RIMS2: variants seen among roughly 807,000 people sequenced by gnomAD.
RIMS2 encodes regulating synaptic membrane exocytosis 2, also known as regulating synaptic membrane exocytosis protein 2.
In RIMS2, 59 loss-of-function variants were observed where a neutral mutation model predicts 174.4. The observed-to-expected ratio is 0.34, with a 90% confidence interval of 0.27 to 0.42. The LOEUF is 0.42. Among genes scored for constraint, RIMS2 ranks in the 10% least tolerant of loss-of-function variants. The probability of loss-of-function intolerance (pLI) is 1.00; values close to 1 mark genes in which losing one functional copy is unlikely to be tolerated. For synonymous variants in RIMS2, 606 were observed against 572.5 expected (o/e 1.06, Z -0.84); for missense variants, 1,620 against 1,666.3 (o/e 0.97, Z 0.48).
At chr8:103,711,656 A>G (rs546953330) in intron 2 of RIMS2, among the ~76,000 whole-genome samples, 1 of 152,214 alleles carries the variant, frequency 6.6e-6, no homozygotes, top group Admixed American at 6.5e-5. Context: ...GCACTTTCGG[A>G]GGCCAAGGTG....
At chr8:104,003,427 T>C (rs1378104547) in intron 17 of RIMS2, among the ~76,000 whole-genome samples, 1 of 151,990 alleles carries the variant, frequency 6.6e-6, no homozygotes, top group Non-Finnish European at 1.5e-5. Flanking sequence ...CTTTTTTTTT[T>C]TTTTGCAATG....
At chr8:103,739,200 T>C (rs1457774294) in intron 2 of RIMS2, among the ~76,000 whole-genome samples, 1 of 152,040 alleles carries the variant, frequency 6.6e-6, no homozygotes, top group Non-Finnish European at 1.5e-5. Context: ...TATGCAGCCA[T>C]AAAAAAGGAT....
At chr8:104,077,839 C>T (rs2097328126) in intron 19 of RIMS2, among the ~76,000 whole-genome samples, 1 of 151,110 alleles carries the variant, frequency 6.6e-6, no homozygotes. Context: ...CATAAAAGAT[C>T]TACAGTTAAA....
chr8:103,890,548 C>T (rs545031479), intron 4 of RIMS2, among the ~76,000 whole-genome samples: 16 of 152,110 alleles, frequency 1.1e-4, no homozygotes, highest in African/African-American at 2.4e-4. Context: ...CTGATTTTTG[C>T]GCACTCTGTA....
intron 1 of RIMS2, among the ~76,000 whole-genome samples, chr8:103,523,767 AT>A (rs555185842): frequency 2.2e-3 from 334 of 150,744 alleles, no homozygotes; most frequent in Non-Finnish European, 4.1e-3. Context: ...AAGACTTGTG[AT>A]TTTTTTTTCA....
At chr8:103,823,826 A>T (rs911966971) in intron 3 of RIMS2, among the ~76,000 whole-genome samples, 3 of 152,044 alleles carry the variant, frequency 2.0e-5, no homozygotes, top group African/African-American at 7.2e-5. Flanking sequence ...ACTTGGTATG[A>T]TTCCAGCACA....
intron 19 of RIMS2, among the ~76,000 whole-genome samples, chr8:104,240,444 G>C (rs943738792): frequency 6.6e-6 from 1 of 152,128 alleles, no homozygotes; most frequent in African/African-American, 2.4e-5. Context: ...TAAAGATTTT[G>C]TGGTGCTGAA....
intron 3 of RIMS2, among the ~76,000 whole-genome samples, chr8:103,772,256 T>G (rs901157741): frequency 6.6e-6 from 1 of 151,938 alleles, no homozygotes; most frequent in African/African-American, 2.4e-5. Context: ...ATTATTTATA[T>G]AGAACATTAA....
intron 3 of RIMS2, among the ~76,000 whole-genome samples, chr8:103,834,694 T>TTC (rs1049024143): frequency 1.3e-5 from 1 of 79,082 alleles, no homozygotes; most frequent in Non-Finnish European, 2.4e-5. Context: ...CTTTCTTTCT[T>TTC]TCTTTCTTTC....
At chr8:104,200,953 C>T (rs1465418794) in intron 19 of RIMS2, among the ~76,000 whole-genome samples, 1 of 152,136 alleles carries the variant, frequency 6.6e-6, no homozygotes, top group Non-Finnish European at 1.5e-5. Flanking sequence ...TGTACTAAAA[C>T]AAAGGTTGTT....
At chr8:103,754,210 T>A (rs2097941986) in intron 2 of RIMS2, among the ~76,000 whole-genome samples, 1 of 152,200 alleles carries the variant, frequency 6.6e-6, no homozygotes, top group East Asian at 1.9e-4. Context: ...CAGGAGCAGG[T>A]TGTTCAGTTT....
chr8:103,821,478 T>C (rs758499776), intron 3 of RIMS2, among the ~76,000 whole-genome samples: 12 of 151,756 alleles, frequency 7.9e-5, no homozygotes, highest in Non-Finnish European at 1.6e-4. Context: ...AAAAATCATT[T>C]GCCCTTATAC....
intron 19 of RIMS2, among the ~76,000 whole-genome samples, chr8:104,068,031 A>G (rs1419382923): frequency 2.0e-5 from 3 of 152,238 alleles, no homozygotes; most frequent in Admixed American, 2.0e-4. Context: ...GGATTCACAC[A>G]TATACTGGGG....
chr8:103,751,201 G>T (rs570666222), intron 2 of RIMS2, among the ~76,000 whole-genome samples: 9 of 152,168 alleles, frequency 5.9e-5, no homozygotes, highest in Admixed American at 5.2e-4. Flanking sequence ...GCGGTGTTTG[G>T]TTTTTTGTCC....
chr8:103,689,778 CTG>C (rs1223617093), intron 1 of RIMS2, among the ~76,000 whole-genome samples: 1 of 152,086 alleles, frequency 6.6e-6, no homozygotes, highest in Non-Finnish European at 1.5e-5. Context: ...TATTATAACA[CTG>C]TGATTATGGT....
At chr8:103,535,315 A>G (rs1048589685) in intron 1 of RIMS2, among the ~76,000 whole-genome samples, 2 of 152,164 alleles carry the variant, frequency 1.3e-5, no homozygotes, top group African/African-American at 4.8e-5. Flanking sequence ...TTATTTCTAC[A>G]TAGTTTGGCA....
intron 1 of RIMS2, among the ~76,000 whole-genome samples, chr8:103,641,216 G>A (rs769134): frequency 6.6e-6 from 1 of 151,910 alleles, no homozygotes; most frequent in Non-Finnish European, 1.5e-5. Context: ...ACAATACATT[G>A]CTTGGTGTTA....
intron 19 of RIMS2, among the ~76,000 whole-genome samples, chr8:104,046,846 A>C (rs1391825917): frequency 1.3e-5 from 2 of 152,120 alleles, no homozygotes; most frequent in Non-Finnish European, 2.9e-5. Flanking sequence ...TGTCAATGCT[A>C]TGTTCAATAC....
chr8:104,133,548 A>C (rs2098491230), intron 19 of RIMS2, among the ~76,000 whole-genome samples: 1 of 152,194 alleles, frequency 6.6e-6, no homozygotes, highest in Non-Finnish European at 1.5e-5. Context: ...ATGAGAAGAC[A>C]CTGAAGAATT....
Sources: gnomAD v4.1 joint callset for allele counts (sites outside exome capture counted in the v4.1 genomes callset) on GRCh38, gnomAD v4.1.1 for gene constraint, MANE v1.5 for transcripts, NCBI Gene and HGNC (gene_info 2026-07-23, HGNC 2026-07-21) for gene names.